The following KLF15 variants were observed in gnomAD, a reference collection of about 807,000 sequenced individuals.
The protein encoded by KLF15 is KLF transcription factor 15.
A neutral mutation model predicts 24.6 loss-of-function variants in KLF15; 4 were observed. The observed-to-expected ratio is 0.16, with a 90% CI of 0.08 to 0.37. KLF15 has a LOEUF of 0.37. Ranked by LOEUF, KLF15 falls within the 10% of genes least tolerant of loss-of-function variation. The probability of loss-of-function intolerance (pLI) is 1.00; values close to 1 mark genes in which losing one functional copy is unlikely to be tolerated. For synonymous variants in KLF15, 246 were observed against 236.3 expected (o/e 1.04, Z -0.37); for missense variants, 496 against 560.6 (o/e 0.88, Z 1.16).
the KLF15 span, among the ~76,000 whole-genome samples, chr3:126,303,882 CTT>C: frequency 4.6e-4 from 70 of 152,034 alleles, 1 homozygote; most frequent in Admixed American, 8.5e-4. Context: ...TCATTCATCT[CTT>C]TTTCTGCAAC....
the KLF15 span, among the ~76,000 whole-genome samples, chr3:126,332,157 A>G: frequency 2.6e-5 from 4 of 152,136 alleles, no homozygotes; most frequent in Non-Finnish European, 4.4e-5. Context: ...ACCTCTGCAG[A>G]CTTAAGTGTC....
chr3:126,330,107 G>C, the KLF15 span, among the ~76,000 whole-genome samples: 3 of 152,206 alleles, frequency 2.0e-5, no homozygotes, highest in Admixed American at 2.0e-4. Context: ...CTATCTTGCA[G>C]CCATGGGCTA....
the KLF15 span, among the ~76,000 whole-genome samples, chr3:126,323,019 CT>C: frequency 0.072 from 9,584 of 132,776 alleles, 533 homozygotes; most frequent in African/African-American, 0.17. Flanking sequence ...CAAGCCTGTT[CT>C]TTTTTTTTTT....
At chr3:126,300,678 C>G in the KLF15 span, among the ~76,000 whole-genome samples, 11 of 152,354 alleles carry the variant, frequency 7.2e-5, no homozygotes, top group African/African-American at 2.6e-4. Context: ...GAAAGACCCA[C>G]CTGGCTGAAT....
Position 126,352,101 on chromosome 3 carries a change from C to G in KLF15, c.822G>C (p.Leu274=). The change falls in exon 2 of 3, where the codon CTG becomes CTC. Residue 274 remains leucine, a synonymous_variant. Transcript: ENST00000296233. ...GGGCAATGCGCACAAACTTGGAGGG[C>G]AGGTTCAAGTTGGAGGAGGGTACCA... ...PQVVPSSNLN[L]PSKFVRIAPV... 6.4e-7 allele frequency: 1 copy of G among 1,551,728 alleles called. No homozygotes were observed. Among genetic ancestry groups the G allele is most frequent in the Non-Finnish European group, 8.7e-7 (1 of 1,147,156 alleles).
chr3:126,312,164 A>G, the KLF15 span, among the ~76,000 whole-genome samples: 1 of 152,260 alleles, frequency 6.6e-6, no homozygotes, highest in African/African-American at 2.4e-5. Flanking sequence ...AAGCCCTTGT[A>G]TCTAAGAACC....
At chr3:126,308,814 A>G in the KLF15 span, among the ~76,000 whole-genome samples, 3 of 152,212 alleles carry the variant, frequency 2.0e-5, no homozygotes, top group African/African-American at 7.2e-5. Flanking sequence ...CTTCATTCAC[A>G]TGCTGAGAAG....
chr3:126,299,811 C>T, the KLF15 span, among the ~76,000 whole-genome samples: 12 of 149,592 alleles, frequency 8.0e-5, no homozygotes, highest in Non-Finnish European at 1.3e-4. Context: ...GGGATGACCA[C>T]GCGAGGTCAC....
chr3:126,304,957 C>G, the KLF15 span, among the ~76,000 whole-genome samples: 1 of 152,232 alleles, frequency 6.6e-6, no homozygotes, highest in African/African-American at 2.4e-5. Flanking sequence ...CAAGTAGAGT[C>G]TACCTTTCTC....
the KLF15 span, among the ~76,000 whole-genome samples, chr3:126,332,126 A>G: frequency 6.6e-6 from 1 of 152,224 alleles, no homozygotes; most frequent in South Asian, 2.1e-4. Context: ...CAGGGCACAG[A>G]CAAACAAAAA....
the KLF15 span, among the ~76,000 whole-genome samples, chr3:126,307,352 G>A: frequency 6.6e-6 from 1 of 152,204 alleles, no homozygotes; most frequent in African/African-American, 2.4e-5. Context: ...GGGCTCACAG[G>A]GACTCCCTCT....
chr3:126,293,782 A>G, the KLF15 span: 3 of 152,020 alleles, frequency 2.0e-5, no homozygotes, highest in African/African-American at 7.3e-5. Context: ...CTATTCATGA[A>G]CTCACTTTCG....
chr3:126,311,314 T>A, the KLF15 span, among the ~76,000 whole-genome samples: 5 of 152,180 alleles, frequency 3.3e-5, no homozygotes, highest in Non-Finnish European at 7.4e-5. Context: ...CTCTATTCTC[T>A]TCCCAAACCA....
At chr3:126,311,822 G>A in the KLF15 span, among the ~76,000 whole-genome samples, 4 of 152,322 alleles carry the variant, frequency 2.6e-5, no homozygotes, top group South Asian at 6.2e-4. Flanking sequence ...CTAAGAGATC[G>A]GGAGTGGGCC....
the KLF15 span, among the ~76,000 whole-genome samples, chr3:126,308,282 C>A: frequency 2.0e-5 from 3 of 152,210 alleles, no homozygotes; most frequent in African/African-American, 7.2e-5. Context: ...CCCCAAGGAG[C>A]TGGAAAGCTG....
At chr3:126,331,626 G>A in the KLF15 span, among the ~76,000 whole-genome samples, 331 of 152,298 alleles carry the variant, frequency 2.2e-3, 3 homozygotes, top group East Asian at 0.011. Context: ...CAAGATGGCC[G>A]AATAGGAACA....
At chr3:126,319,423 T>C in the KLF15 span, among the ~76,000 whole-genome samples, 1 of 152,236 alleles carries the variant, frequency 6.6e-6, no homozygotes, top group Non-Finnish European at 1.5e-5. Context: ...TGAGAGTTGC[T>C]CCACATCATT....
chr3:126,356,241 C>A lies in KLF15; in HGVS notation c.-26+996G>T, dbSNP rs1669397450. Among the ~76,000 whole-genome samples the A allele has an allele frequency of 2.6e-5, 4 of 152,160 alleles. No individual in the cohort carries two copies. In the South Asian group the frequency reaches 8.3e-4, roughly 32 times the overall value. On this transcript the variant is annotated intron_variant, in intron 1 of 2. Coordinates refer to ENST00000296233, the MANE Select transcript of KLF15 (RefSeq NM_014079.4). This position sits in a 1 kb window ranked among gnomAD's most constrained non-coding sequence, Gnocchi z 4.4. ...AGGCCCCAAAGTCGCAGAGTCCGGG[C>A]GTCCTCACACCTGTAGGGCGGCAGG...
chr3:126,320,782 G>T, the KLF15 span, among the ~76,000 whole-genome samples: 1 of 151,908 alleles, frequency 6.6e-6, no homozygotes, highest in Non-Finnish European at 1.5e-5. Flanking sequence ...CAACTCAGCT[G>T]GAAGCAGAGT....
Sources: gnomAD v4.1 joint callset for allele counts (sites outside exome capture counted in the v4.1 genomes callset) on GRCh38, gnomAD v4.1.1 for gene constraint, Gnocchi (gnomAD v3.1) non-coding constraint, MANE v1.5 for transcripts, NCBI Gene and HGNC (gene_info 2026-07-23, HGNC 2026-07-21) for gene names.